Variants in NRXN3 observed in about 807,000 individuals in gnomAD.
NRXN3 encodes the protein neurexin 3.
A neutral mutation model predicts 137.6 loss-of-function variants in NRXN3; 32 were observed. The ratio of observed to expected loss-of-function variants is 0.23; its 90% CI spans 0.18 to 0.31. The LOEUF is 0.31. NRXN3 is among the 10% of genes least tolerant of loss of function. The probability of loss-of-function intolerance (pLI) is 1.00; values close to 1 mark genes in which losing one functional copy is unlikely to be tolerated. For missense variants in NRXN3, 1,574 were observed against 2,062.5 expected (o/e 0.76, Z 4.59); for synonymous variants, 798 against 784.5 (o/e 1.02, Z -0.29).
intron 15 of NRXN3, among the ~76,000 whole-genome samples, chr14:79,187,528 A>G (rs1247157371): frequency 6.6e-6 from 1 of 152,216 alleles, no homozygotes; most frequent in Non-Finnish European, 1.5e-5. Flanking sequence ...TGCTCACCAT[A>G]ATGATTTACC....
At chr14:78,724,697 G>T (rs1332432578) in intron 8 of NRXN3, among the ~76,000 whole-genome samples, 1 of 152,190 alleles carries the variant, frequency 6.6e-6, no homozygotes, top group Non-Finnish European at 1.5e-5. Flanking sequence ...TTATAGCAAA[G>T]CCATTTGGTA....
chr14:78,669,422 C>T (rs2097915621), intron 6 of NRXN3, among the ~76,000 whole-genome samples: 2 of 152,116 alleles, frequency 1.3e-5, no homozygotes, highest in Admixed American at 1.3e-4. Flanking sequence ...AAAAGAATGG[C>T]TACTCCGTAG....
At chr14:78,335,435 C>A (rs1456824303) in intron 4 of NRXN3, among the ~76,000 whole-genome samples, 1 of 152,176 alleles carries the variant, frequency 6.6e-6, no homozygotes, top group African/African-American at 2.4e-5. Flanking sequence ...AGGACTCTGC[C>A]CAAGCTGAGC....
chr14:78,305,736 A>G (rs985942617), intron 4 of NRXN3, among the ~76,000 whole-genome samples: 2 of 152,178 alleles, frequency 1.3e-5, no homozygotes, highest in Admixed American at 6.5e-5. Context: ...CTCTATAAAT[A>G]TCTAATTATA....
intron 4 of NRXN3, among the ~76,000 whole-genome samples, chr14:78,427,151 G>A (rs1363285157): frequency 6.6e-6 from 1 of 152,150 alleles, no homozygotes; most frequent in Non-Finnish European, 1.5e-5. Flanking sequence ...GAAGGAGGAG[G>A]CGGTGTCTGT....
At chr14:78,276,948 T>C (rs1273773264) in intron 2 of NRXN3, among the ~76,000 whole-genome samples, 3 of 152,224 alleles carry the variant, frequency 2.0e-5, no homozygotes, top group African/African-American at 7.2e-5. Context: ...TACAACACTT[T>C]TTCCCTTTCC....
At chr14:78,220,178 T>G (rs979018476) in intron 1 of NRXN3, among the ~76,000 whole-genome samples, 1 of 152,012 alleles carries the variant, frequency 6.6e-6, no homozygotes, top group Non-Finnish European at 1.5e-5. Flanking sequence ...ATGAGTTTGG[T>G]TGTAGTCAGA....
intron 10 of NRXN3, among the ~76,000 whole-genome samples, chr14:78,813,129 C>A (rs2098919667): frequency 6.6e-6 from 1 of 152,096 alleles, no homozygotes; most frequent in Admixed American, 6.5e-5. Flanking sequence ...AAGCATAAAT[C>A]TTTAAGAAAA....
At chr14:79,348,100 C>T (rs149247368) in intron 15 of NRXN3, among the ~76,000 whole-genome samples, 11 of 152,088 alleles carry the variant, frequency 7.2e-5, no homozygotes, top group African/African-American at 7.2e-5. Context: ...GGGTATTTAC[C>T]GCAGTATTTC....
chr14:79,585,791 C>G (rs567083420), intron 16 of NRXN3, among the ~76,000 whole-genome samples: 26 of 150,648 alleles, frequency 1.7e-4, no homozygotes, highest in African/African-American at 5.9e-4. Context: ...TTTTGGGAGA[C>G]ACTTGATAAC....
chr14:78,966,480 A>G, intron 12 of NRXN3, 74 bp downstream of exon 12: 2 of 1,474,574 alleles, frequency 1.4e-6, no homozygotes, highest in Non-Finnish European at 1.8e-6. Flanking sequence ...ATGGACATAA[A>G]AATAACTTGT....
At chr14:79,832,578 G>C (rs974645167) in intron 20 of NRXN3, among the ~76,000 whole-genome samples, 1 of 152,074 alleles carries the variant, frequency 6.6e-6, no homozygotes, top group African/African-American at 2.4e-5. Flanking sequence ...GCATCTAGTG[G>C]GTAGAGGTCA....
intron 4 of NRXN3, among the ~76,000 whole-genome samples, chr14:78,581,734 G>T (rs1432576650): frequency 6.6e-6 from 1 of 152,126 alleles, no homozygotes; most frequent in East Asian, 1.9e-4. Flanking sequence ...GTGATTTTAT[G>T]TGCACATACA....
At chr14:79,836,890 G>A (rs976247123) in intron 20 of NRXN3, among the ~76,000 whole-genome samples, 2 of 152,004 alleles carry the variant, frequency 1.3e-5, no homozygotes, top group East Asian at 1.9e-4. Context: ...ATTTTCATAC[G>A]GGACCCTCAC....
At chr14:78,701,277 T>C (rs2098275716) in intron 6 of NRXN3, among the ~76,000 whole-genome samples, 1 of 152,212 alleles carries the variant, frequency 6.6e-6, no homozygotes, top group African/African-American at 2.4e-5. Flanking sequence ...GGCATAAACC[T>C]ATAGGATCAT....
At chr14:79,546,584 G>A (rs906905560) in intron 16 of NRXN3, among the ~76,000 whole-genome samples, 4 of 152,134 alleles carry the variant, frequency 2.6e-5, no homozygotes, top group African/African-American at 9.7e-5. Context: ...CCACCCTTTT[G>A]GCGGGTAGTA....
chr14:78,243,647 A>G lies in NRXN3; in HGVS notation c.554A>G (p.Glu185Gly), dbSNP rs945119292. The G allele has an allele frequency of 2.4e-5, 38 of 1,598,406 alleles. No individual in the cohort carries two copies. Among genetic ancestry groups the G allele is most frequent in the Non-Finnish European group, 3.1e-5 (37 of 1,179,818 alleles). ...CTGGATCTCAAGTATGGAAACTCGG[A>G]GCCTCGGCTTCTGGGGAGCCGGGGT... ...LILDLKYGNS[E>G]PRLLGSRGVQ... is the part of the protein sequence containing the mutation. The change falls in exon 2 of 21, where the codon GAG (glutamate) becomes GGG (glycine). Residue 185 changes from glutamate to glycine, a missense_variant. Coordinates refer to ENST00000335750, the MANE Select transcript of NRXN3 (RefSeq NM_001330195.2). The surrounding 1 kb of genome is among the most constrained non-coding windows in gnomAD (Gnocchi z 4.2).
intron 15 of NRXN3, among the ~76,000 whole-genome samples, chr14:79,040,753 G>T (rs2099623738): frequency 6.6e-6 from 1 of 152,158 alleles, no homozygotes; most frequent in Non-Finnish European, 1.5e-5. Flanking sequence ...TGTCTCATGT[G>T]CATAAGGTGT....
intron 4 of NRXN3, among the ~76,000 whole-genome samples, chr14:78,395,161 C>G (rs369663869): frequency 2.0e-5 from 3 of 151,674 alleles, no homozygotes; most frequent in African/African-American, 7.3e-5. Context: ...ACTTCCCCCC[C>G]TTTTCTAATA....
Sources: gnomAD v4.1 joint callset for allele counts (sites outside exome capture counted in the v4.1 genomes callset) on GRCh38, gnomAD v4.1.1 for gene constraint, Gnocchi (gnomAD v3.1) non-coding constraint, MANE v1.5 for transcripts, NCBI Gene and HGNC (gene_info 2026-07-23, HGNC 2026-07-21) for gene names.